Variants in MAP2 observed in about 807,000 individuals in gnomAD.
The protein encoded by MAP2 is microtubule-associated protein 2.
A neutral mutation model predicts 137.6 loss-of-function variants in MAP2; 14 were observed. The ratio of observed to expected loss-of-function variants is 0.10; its 90% CI spans 0.07 to 0.16. The LOEUF is 0.16. MAP2 is among the 10% of genes least tolerant of loss of function. The pLI is 1.00. For missense variants in MAP2, 2,088 were observed against 2,191.5 expected (o/e 0.95, Z 0.94); for synonymous variants, 786 against 782.3 (o/e 1.00, Z -0.08).
chr2:209,476,567 A>G (rs959393239), intron 1 of MAP2, among the ~76,000 whole-genome samples: 2 of 152,206 alleles, frequency 1.3e-5, no homozygotes, highest in African/African-American at 4.8e-5. Context: ...GTAATAAAAC[A>G]GTCTCCAAGC....
intron 2 of MAP2, among the ~76,000 whole-genome samples, chr2:209,575,518 CAAAA>C (rs71043942): frequency 2.8e-3 from 80 of 28,384 alleles, no homozygotes; most frequent in South Asian, 8.4e-3. Context: ...GACTCCATCT[CAAAA>C]AAAAAAAAAA....
intron 1 of MAP2, among the ~76,000 whole-genome samples, chr2:209,493,938 T>C (rs2059429707): frequency 6.6e-6 from 1 of 152,226 alleles, no homozygotes; most frequent in Non-Finnish European, 1.5e-5. Context: ...ACTGGGTATA[T>C]ACCCAAAGGA....
At chr2:209,566,549 G>T (rs889845898) in intron 2 of MAP2, among the ~76,000 whole-genome samples, 3 of 152,018 alleles carry the variant, frequency 2.0e-5, no homozygotes, top group Non-Finnish European at 4.4e-5. Context: ...TATCCATGTC[G>T]CATATTCTTG....
At chr2:209,657,192 G>C (rs2041345084) in intron 5 of MAP2, among the ~76,000 whole-genome samples, 1 of 152,140 alleles carries the variant, frequency 6.6e-6, no homozygotes, top group Admixed American at 6.6e-5. Flanking sequence ...TGGATGCTTA[G>C]GTTGATTCCA....
intron 1 of MAP2, among the ~76,000 whole-genome samples, chr2:209,494,077 C>G (rs1259849310): frequency 6.6e-6 from 1 of 152,046 alleles, no homozygotes. Context: ...ATTTGGCATA[C>G]ATACACCATG....
chr2:209,461,132 G>A lies in MAP2; in HGVS notation c.-222+36856G>A, dbSNP rs72997608. 6.8e-3 allele frequency among the ~76,000 whole-genome samples: 1,034 copies of A among 152,264 alleles called. 13 individuals carry two copies. Among genetic ancestry groups the A allele is most frequent in the Non-Finnish European group, 8.2e-3 (559 of 68,018 alleles). On this transcript the variant is annotated intron_variant, in intron 1 of 15. Coordinates refer to ENST00000682079, the MANE Select transcript of MAP2 (RefSeq NM_001375505.1). ...CAACCCATTAAATACTCCAGAAAAC[G>A]TGATTATTAAGTAAACTTAATTATT...
At chr2:209,508,557 CAG>C (rs1269335342) in intron 2 of MAP2, among the ~76,000 whole-genome samples, 1 of 132,844 alleles carries the variant, frequency 7.5e-6, no homozygotes, top group African/African-American at 2.7e-5. Context: ...TATAAGCACA[CAG>C]ACACACAGAC....
At chr2:209,630,556 T>G (rs1362422204) in intron 4 of MAP2, among the ~76,000 whole-genome samples, 2 of 152,128 alleles carry the variant, frequency 1.3e-5, no homozygotes, top group African/African-American at 4.8e-5. Flanking sequence ...GGAAGAATAA[T>G]CAGTGAAATG....
In MAP2 at chr2:209,692,677, C is replaced by T; in HGVS notation, c.507C>T (p.Pro169=). The part of the protein sequence containing the change: ...MEFHDQQELT[P]STAEPSDQKE... ...TCCACGATCAACAGGAATTGACTCCCTCTACAGCTGAGCCTTCAGACCAGA... is the reference window on the plus strand; with the variant it reads ...TCCACGATCAACAGGAATTGACTCCTTCTACAGCTGAGCCTTCAGACCAGA... Residue 169 remains proline (P), a synonymous_variant, in exon 8 of 16, where the codon CCC becomes CCT. Coordinates refer to ENST00000682079, the MANE Select transcript of MAP2 (RefSeq NM_001375505.1). The T allele has an allele frequency of 6.2e-7, 1 of 1,611,086 alleles. No homozygotes were observed. Among genetic ancestry groups the T allele is most frequent in the Non-Finnish European group, 8.5e-7 (1 of 1,179,058 alleles).
rs183758486 is a variant in MAP2, at chr2:209,606,283, A to G, written c.-106-18770A>G. 3.4e-3 allele frequency among the ~76,000 whole-genome samples: 522 copies of G among 152,320 alleles called. 2 individuals are homozygous for G. The highest frequency in any genetic ancestry group is 8.9e-3 in the South Asian group (43 of 4,828). Reference sequence around the variant, plus strand: ...TAAATATGTGTCTATGGTTAAAAATATAAAAGAAAAACTTCCAGGTGAGAC... The same window carrying G: ...TAAATATGTGTCTATGGTTAAAAATGTAAAAGAAAAACTTCCAGGTGAGAC... On this transcript the variant is annotated intron_variant, in intron 3 of 15. Coordinates refer to ENST00000682079, the MANE Select transcript of MAP2 (RefSeq NM_001375505.1).
chr2:209,564,718 G>T (rs2198479), intron 2 of MAP2, among the ~76,000 whole-genome samples: 1,781 of 152,160 alleles, frequency 0.012, 32 homozygotes, highest in African/African-American at 0.041. Context: ...CAGATGCAAA[G>T]AATTAACCTT....
chr2:209,553,077 T>G (rs2069587441), intron 2 of MAP2, among the ~76,000 whole-genome samples: 1 of 151,440 alleles, frequency 6.6e-6, no homozygotes, highest in Admixed American at 6.6e-5. Context: ...AGTGGCACGA[T>G]CTCGGCTCAC....
chr2:209,533,424 C>T (rs2065450791), intron 2 of MAP2, among the ~76,000 whole-genome samples: 1 of 152,204 alleles, frequency 6.6e-6, no homozygotes, highest in Non-Finnish European at 1.5e-5. Flanking sequence ...GGATTACAGG[C>T]AAGCCATGTT....
intron 5 of MAP2, among the ~76,000 whole-genome samples, chr2:209,673,593 G>A (rs1212104389): frequency 6.6e-6 from 1 of 151,686 alleles, no homozygotes; most frequent in African/African-American, 2.4e-5. Flanking sequence ...AAGTTCAAAA[G>A]AAAGATAATT....
At chr2:209,610,318 A>G (rs2153483908) in intron 3 of MAP2, among the ~76,000 whole-genome samples, 1 of 152,246 alleles carries the variant, frequency 6.6e-6, no homozygotes, top group East Asian at 1.9e-4. Context: ...CTGGAAAGTA[A>G]GGTTAAATGA....
intron 6 of MAP2, among the ~76,000 whole-genome samples, chr2:209,679,440 G>A (rs1328368323): frequency 1.3e-5 from 2 of 151,948 alleles, no homozygotes; most frequent in African/African-American, 4.8e-5. Context: ...TATACACAAA[G>A]AGATACAGGA....
chr2:209,508,189 G>C (rs2061301205), intron 2 of MAP2, among the ~76,000 whole-genome samples: 1 of 151,726 alleles, frequency 6.6e-6, no homozygotes, highest in South Asian at 2.1e-4. Context: ...ACTGAGTTTA[G>C]AGTAGTAACA....
chr2:209,534,022 G>A (rs1309141545), intron 2 of MAP2, among the ~76,000 whole-genome samples: 1 of 152,144 alleles, frequency 6.6e-6, no homozygotes, highest in African/African-American at 2.4e-5. Context: ...GCTTCAAAGG[G>A]CCGTCCAGCA....
intron 2 of MAP2, among the ~76,000 whole-genome samples, chr2:209,537,456 T>C (rs1441463739): frequency 6.6e-6 from 1 of 151,998 alleles, no homozygotes; most frequent in African/African-American, 2.4e-5. Flanking sequence ...TTAGGTAAAA[T>C]GGTTAAATGC....
Sources: gnomAD v4.1 joint callset for allele counts (sites outside exome capture counted in the v4.1 genomes callset) on GRCh38, gnomAD v4.1.1 for gene constraint, MANE v1.5 for transcripts, NCBI Gene and HGNC (gene_info 2026-07-23, HGNC 2026-07-21) for gene names.